ZNF138: variants seen among roughly 807,000 people sequenced by gnomAD.
ZNF138 encodes zinc finger protein 138 (clone pHZ-32).
ZNF138 carries 33 observed loss-of-function variants against 33.0 expected under a neutral mutation model. The observed-to-expected ratio is 1.00, with a 90% CI of 0.76 to 1.34. ZNF138 has a LOEUF of 1.34. Ranked by LOEUF, ZNF138 falls within the 40% of genes most tolerant of loss-of-function variation. The pLI is 0.00. For synonymous variants in ZNF138, 139 were observed against 120.4 expected (o/e 1.15, Z -1.01); for missense variants, 360 against 370.8 (o/e 0.97, Z 0.24).
At chr7:64,810,470 G>A (rs1788078040) in intron 1 of ZNF138, among the ~76,000 whole-genome samples, 1 of 150,794 alleles carries the variant, frequency 6.6e-6, no homozygotes, top group Admixed American at 6.6e-5. Flanking sequence ...AGGGGGAGAG[G>A]GAGAGCGTAT....
the ZNF138 span, among the ~76,000 whole-genome samples, chr7:64,849,844 A>C: frequency 6.6e-6 from 1 of 151,852 alleles, no homozygotes; most frequent in South Asian, 2.1e-4. Flanking sequence ...GCAGTGAGGG[A>C]ACAGAGCTAA....
In ZNF138 at chr7:64,833,439, TG is replaced by T. The variant is rs1393105009; in HGVS notation, c.*1239del. ...TGAAGAATGTGACAAAGCCTTTAAA[TG>T]GTTGTCACACTTGATTGTAGGTAAG... On this transcript the variant is annotated 3_prime_UTR_variant, in exon 4 of 4. Coordinates refer to ENST00000307355, the MANE Select transcript of ZNF138 (RefSeq NM_001271639.2). 6.2e-6 allele frequency: 1 copy of T among 160,886 alleles called. No individual in the cohort carries two copies. The highest frequency in any genetic ancestry group is 2.4e-5 in the African/African-American group (1 of 41,488). The allele number at this position is 160,886 out of a possible 1,614,324, so 10.0% of individuals were successfully genotyped here.
At chr7:64,804,040 C>G (rs1436169999) in intron 1 of ZNF138, among the ~76,000 whole-genome samples, 2 of 152,178 alleles carry the variant, frequency 1.3e-5, no homozygotes, top group Non-Finnish European at 2.9e-5. Flanking sequence ...TTAACAAAGT[C>G]ATATTCCAAT....
chr7:64,826,967 TAGA>T (rs1032399550), intron 3 of ZNF138, among the ~76,000 whole-genome samples: 8 of 151,822 alleles, frequency 5.3e-5, no homozygotes, highest in African/African-American at 1.7e-4. Context: ...TCATATTCTG[TAGA>T]AGAAGTTTAA....
chr7:64,858,046 T>C, the ZNF138 span, among the ~76,000 whole-genome samples: 1 of 152,254 alleles, frequency 6.6e-6, no homozygotes, highest in African/African-American at 2.4e-5. Flanking sequence ...TATTCCTTTT[T>C]CTGTGCATAT....
chr7:64,858,739 A>T, the ZNF138 span, among the ~76,000 whole-genome samples: 1 of 152,190 alleles, frequency 6.6e-6, no homozygotes, highest in Non-Finnish European at 1.5e-5. Flanking sequence ...AGATCTTTTT[A>T]AAAATTTTTT....
In ZNF138 at chr7:64,794,572, G is replaced by T. The variant is rs370584684; in HGVS notation, c.3+1G>T. On this transcript the variant is annotated splice_donor_variant, in intron 1 of 3. Coordinates refer to ENST00000307355, the MANE Select transcript of ZNF138 (RefSeq NM_001271639.2). LOFTEE classifies it high-confidence loss of function. ...AGGATCCCCCGGAAGCCTAGAAATG[G>T]TGAGAGTGCTGGGTCCGACATCCCG... 1.2e-6 allele frequency: 2 copies of T among 1,613,560 alleles called. No individual in the cohort carries two copies. The highest frequency in any genetic ancestry group is 1.7e-6 in the Non-Finnish European group (2 of 1,179,728).
Position 64,832,099 on chromosome 7 carries a change from A to G in ZNF138, c.857A>G (p.Lys286Arg), listed in dbSNP as rs1411295636. The change falls in exon 4 of 4, where the codon AAG becomes AGG. Residue 286 changes from lysine (K) to arginine (R), a missense_variant. Lys to Arg is a conservative substitution (Grantham distance 26). Transcript: ENST00000307355. ...CCCTACAAATGTGAACAATGTGGCA[A>G]GGTCTTTAAGCAGTCCCCAACCCTT... ...EKPYKCEQCG[K>R]VFKQSPTLTK... 3 of 1,613,558 alleles carry G rather than the reference A, an allele frequency of 1.9e-6. No individual in the cohort carries two copies. Among genetic ancestry groups the G allele is most frequent in the Admixed American group, 1.7e-5 (1 of 59,992 alleles).
the ZNF138 span, among the ~76,000 whole-genome samples, chr7:64,851,470 T>TA: frequency 2.0e-5 from 3 of 152,174 alleles, no homozygotes; most frequent in Non-Finnish European, 4.4e-5. Flanking sequence ...TGCTAAGAAT[T>TA]ACGCTAAATA....
chr7:64,850,407 C>T, the ZNF138 span, among the ~76,000 whole-genome samples: 2 of 152,176 alleles, frequency 1.3e-5, no homozygotes, highest in African/African-American at 2.4e-5. Context: ...GTTAATGATG[C>T]GAGTCTCCAC....
At chr7:64,821,234 C>T (rs6943633) in intron 3 of ZNF138, among the ~76,000 whole-genome samples, 148,035 of 150,320 alleles carry the variant, frequency 0.98, 73,027 homozygotes, top group Non-Finnish European at 1. Flanking sequence ...GGACTACAGG[C>T]GCTTGCCACC....
intron 1 of ZNF138, among the ~76,000 whole-genome samples, chr7:64,813,318 C>A (rs1380267276): frequency 6.6e-6 from 1 of 151,532 alleles, no homozygotes; most frequent in Admixed American, 6.6e-5. Flanking sequence ...CCAGAAAGTT[C>A]TGAAAAAAAT....
intron 1 of ZNF138, among the ~76,000 whole-genome samples, chr7:64,809,664 G>T (rs1787961905): frequency 1.3e-5 from 2 of 149,824 alleles, no homozygotes; most frequent in African/African-American, 4.9e-5. Context: ...TCCCAGATGG[G>T]GCTGCTGCCG....
At chr7:64,838,296 C>T (rs1015081437), downstream of ZNF138, among the ~76,000 whole-genome samples, 13 of 152,166 alleles carry the variant, frequency 8.5e-5, no homozygotes, top group African/African-American at 2.2e-4. Flanking sequence ...GCAGTTAGGG[C>T]ACGGGCGTGT....
rs71061316 is a variant in ZNF138 at position 64,825,154 on chromosome 7, CTTTTTTTTTTTTTTTTTTT to C, written c.209-6279_209-6261del. ...TCTTGTAGGCCGCATGTTGTATGCT[CTTTTTTTTTTTTTTTTTTT>C]TTTTTTTTTTTTTTTTTGAGACGGA... On this transcript the variant is annotated intron_variant, in intron 3 of 3. Transcript: ENST00000307355. 2.8e-4 allele frequency among the ~76,000 whole-genome samples: 13 copies of C among 46,022 alleles called. 2 individuals carry two copies. In the East Asian group the frequency reaches 3.4e-3, roughly 12 times the overall value. The allele number at this position is 46,022 out of a possible 152,430, so 30.2% of individuals were successfully genotyped here.
intron 1 of ZNF138, among the ~76,000 whole-genome samples, chr7:64,804,794 C>G (rs1271098803): frequency 2.6e-5 from 4 of 151,738 alleles, no homozygotes; most frequent in African/African-American, 7.3e-5. Flanking sequence ...AGAAAATGTT[C>G]TGGTGAAAAC....
intron 1 of ZNF138, among the ~76,000 whole-genome samples, chr7:64,798,608 A>C (rs1254720917): frequency 6.6e-6 from 1 of 152,080 alleles, no homozygotes; most frequent in Non-Finnish European, 1.5e-5. Flanking sequence ...CCTGACCAAC[A>C]TGGAGAAACC....
the ZNF138 span, chr7:64,853,442 TTG>T: frequency 1.4e-6 from 1 of 695,402 alleles, no homozygotes; most frequent in Non-Finnish European, 2.5e-6. Flanking sequence ...CCGGCTCGCT[TTG>T]CGCCCCGAGT....
intron 3 of ZNF138, among the ~76,000 whole-genome samples, chr7:64,826,265 G>T (rs1269538761): frequency 6.6e-6 from 1 of 151,812 alleles, no homozygotes; most frequent in African/African-American, 2.4e-5. Flanking sequence ...GTAGTGACGT[G>T]CTTTGATTAT....
Sources: allele counts gnomAD v4.1 joint callset (sites outside exome capture counted in the v4.1 genomes callset), GRCh38; gene constraint gnomAD v4.1.1; transcripts MANE v1.5; gene names NCBI Gene and HGNC (gene_info 2026-07-23, HGNC 2026-07-21).